Variants in COMP observed in about 807,000 individuals in gnomAD.
COMP encodes cartilage oligomeric matrix protein (pseudoachondroplasia, epiphyseal dysplasia 1, multiple).
COMP carries 79 observed loss-of-function variants against 95.8 expected under a neutral mutation model. The observed-to-expected ratio is 0.82, with a 90% CI of 0.69 to 0.99. The LOEUF is 0.99. Ranked by LOEUF, COMP falls within the 50% of genes least tolerant of loss-of-function variation. COMP has a pLI of 0.00. For synonymous variants in COMP, 438 were observed against 433.9 expected, an observed-to-expected ratio of 1.01 and a Z score of -0.12; for missense variants, 906 against 1,076.1, an observed-to-expected ratio of 0.84 and a Z score of 2.21.
At chr19:18,790,796 C>A (rs751958923) in intron 2 of COMP, 54 bp downstream of exon 2, 1 of 1,565,118 alleles carries the variant, frequency 6.4e-7, no homozygotes, top group African/African-American at 1.4e-5. Context: ...TCGCTGGGAA[C>A]TGAGACCCCC....
chr19:18,783,129 G>A lies in COMP; in HGVS notation c.2152C>T (p.Arg718Trp), dbSNP rs28936368. ...CAGAAGACCCCCAGGCGGCCACCCC[G>A]CATGGTTGTGTCCAAGACCACGTTG... ...DSNVVLDTTM[R>W]GGRLGVFCFS... The change falls in exon 18 of 19, where the codon CGG (arginine) becomes TGG (tryptophan). Residue 718 changes from arginine (R) to tryptophan (W), a missense_variant. Transcript: ENST00000222271. The A allele has an allele frequency of 1.2e-6, 2 of 1,610,894 alleles. No individual in the cohort carries two copies. The highest frequency in any genetic ancestry group is 1.7e-6 in the Non-Finnish European group (2 of 1,179,998).
rs146075881 is a variant in COMP at position 18,782,980 on chromosome 19, C to T, written c.2228-19G>A. 3.4e-4 allele frequency: 543 copies of T among 1,612,418 alleles called. 1 individual carries two copies. In the East Asian group the frequency reaches 9.4e-3, roughly 28 times the overall value. ...ATGGTGTCTGCAGGGAGAGGGCAGG[C>T]GGGTGAGGGCTGAGAAGGCCAGCAG... On this transcript the variant is annotated intron_variant, in intron 18 of 18. Transcript: ENST00000222271.
At position 18,785,662 on chromosome 19, in the gene COMP, C is replaced by T. The variant is rs1041411983; in HGVS notation, c.1668+11G>A. 1 of 1,613,470 alleles carries T rather than the reference C, an allele frequency of 6.2e-7. No individual in the cohort carries two copies. Among genetic ancestry groups the T allele is most frequent in the East Asian group, 2.2e-5 (1 of 44,876 alleles). On this transcript the variant is annotated intron_variant, in intron 14 of 18. Transcript: ENST00000222271. ...GGGTCCCATCACCCCCCACGTGGACCCCGCTCCCACCTGGTTGAGCACCAC... is the reference window on the plus strand; with the variant it reads ...GGGTCCCATCACCCCCCACGTGGACTCCGCTCCCACCTGGTTGAGCACCAC...
rs1401963408 is a variant in COMP at position 18,787,617 on chromosome 19, G to T, written c.1009C>A (p.Arg337Ser). ...CCCCACTTGTCCTCGTCCGTGTTGC[G>T]CTGGTCTGGGTTCCGCACCAGCGGG... ...NCPLVRNPDQ[R>S]NTDEDKWGDA... is the part of the protein sequence containing the mutation. Residue 337 changes from arginine (R) to serine (S), a missense_variant, in exon 10 of 19, where the codon CGC becomes AGC. Arg to Ser is a moderately radical substitution (Grantham distance 110, BLOSUM62 -1). Transcript: ENST00000222271. 6 of 1,613,846 alleles carry T rather than the reference G, an allele frequency of 3.7e-6. No individual in the cohort carries two copies. The African/African-American group carries it at 5.3e-5, about 14-fold the overall frequency.
Position 18,788,275 on chromosome 19 carries a change from G to A in COMP, c.912C>T (p.Asp304=). Residue 304 remains aspartate (D), a synonymous_variant, in exon 9 of 19, where the codon GAC becomes GAT. Transcript: ENST00000222271. This position sits in a 1 kb window ranked among gnomAD's most constrained non-coding sequence, Gnocchi z 4.7. ...TVPNSGQEDV[D]RDGIGDACDP... ...CGCAGGCGTCTCCGATGCCATCGCG[G>A]TCCACATCCTCCTGCCCTGAGTTGG... 1 of 1,613,174 alleles carries A rather than the reference G, an allele frequency of 6.2e-7. No individual in the cohort carries two copies. Among genetic ancestry groups the A allele is most frequent in the Non-Finnish European group, 8.5e-7 (1 of 1,180,018 alleles).
rs1287868131 is a variant in COMP at position 18,787,637 on chromosome 19, A to G, written c.989T>C (p.Leu330Pro). 1 of 1,613,898 alleles carries G rather than the reference A, an allele frequency of 6.2e-7. No individual in the cohort carries two copies. The highest frequency in any genetic ancestry group is 8.5e-7 in the Non-Finnish European group (1 of 1,180,032). Residue 330 changes from leucine (L) to proline (P), a missense_variant, in exon 10 of 19, where the codon CTG becomes CCG. Coordinates refer to ENST00000222271, the MANE Select transcript of COMP (RefSeq NM_000095.3). ...GVPNEKDNCPLVRNPDQRNTD... is the reference protein window; with the variant it reads ...GVPNEKDNCPPVRNPDQRNTD... ...GTTGCGCTGGTCTGGGTTCCGCACC[A>G]GCGGGCAGTTGTCCTGGATGACAGG...
At chr19:18,786,939 A>G (rs1258271829) in intron 10 of COMP, 2 of 367,962 alleles carry the variant, frequency 5.4e-6, no homozygotes, top group Non-Finnish European at 1.0e-5. Context: ...CGCCCAGCAA[A>G]TTTTTGTATT....
Position 18,784,130 on chromosome 19 carries a change from G to A in COMP, c.2087+61C>T, listed in dbSNP as rs1478889611. Reference sequence around the variant, plus strand: ...GTCACACAGCCCCTGCCTGGCCAGGGCACTCCCACCTGGGCCTGTGTGTCC... The same window carrying A: ...GTCACACAGCCCCTGCCTGGCCAGGACACTCCCACCTGGGCCTGTGTGTCC... On this transcript the variant is annotated intron_variant, in intron 17 of 18. Coordinates refer to ENST00000222271, the MANE Select transcript of COMP (RefSeq NM_000095.3). The surrounding 1 kb of genome is among the most constrained non-coding windows in gnomAD (Gnocchi z 4.9). 2.5e-6 allele frequency: 4 copies of A among 1,585,498 alleles called. No individual in the cohort carries two copies. The African/African-American group carries it at 4.0e-5, about 16-fold the overall frequency.
rs751081379 is a variant in COMP, at chr19:18,788,369, C to A, written c.867+41G>T. 1 of 1,606,228 alleles carries A rather than the reference C, an allele frequency of 6.2e-7. No homozygotes were observed. The highest frequency in any genetic ancestry group is 8.5e-7 in the Non-Finnish European group (1 of 1,178,252). ...AGGGGCGCGGTCATGAAGTCCCGCC[C>A]TCCCTCCTGCCCAAGCCCGCCCCGC... On this transcript the variant is annotated intron_variant, in intron 8 of 18. Transcript: ENST00000222271. This position sits in a 1 kb window ranked among gnomAD's most constrained non-coding sequence, Gnocchi z 4.7.
chr19:18,784,246 C>T lies in COMP; in HGVS notation c.2032G>A (p.Asp678Asn), dbSNP rs867986409. ...AGGAACCAACGATAGGACTTCTTGT[C>T]CTTCCAACCCACGTTTCGCGGGTCC... ...WKDPRNVGWK[D>N]KKSYRWFLQH... Residue 678 changes from aspartate (D) to asparagine (N), a missense_variant, in exon 17 of 19, where the codon GAC becomes AAC. Physicochemically the swap from Asp to Asn is conservative, Grantham distance 23. Transcript: ENST00000222271. This position sits in a 1 kb window ranked among gnomAD's most constrained non-coding sequence, Gnocchi z 4.9. 6.8e-6 allele frequency: 11 copies of T among 1,614,100 alleles called. No individual in the cohort carries two copies. The Middle Eastern group carries it at 8.3e-4, about 121-fold the overall frequency.
Position 18,788,209 on chromosome 19 carries a change from T to C in COMP, c.975+3A>G. On this transcript the variant is annotated splice_donor_region_variant and intron_variant, in intron 9 of 18. Transcript: ENST00000222271. This position sits in a 1 kb window ranked among gnomAD's most constrained non-coding sequence, Gnocchi z 4.7. ...GAACCACCGTGCCGAGCCGTAGATC[T>C]ACCTTTTCATTGGGGACCCCGTCCC... The C allele has an allele frequency of 6.2e-7, 1 of 1,612,360 alleles. No individual in the cohort carries two copies. The highest frequency in any genetic ancestry group is 8.5e-7 in the Non-Finnish European group (1 of 1,179,348).
At chr19:18,783,688 C>A (rs1174603196) in intron 17 of COMP, among the ~76,000 whole-genome samples, 1 of 151,626 alleles carries the variant, frequency 6.6e-6, no homozygotes, top group African/African-American at 2.4e-5. Flanking sequence ...CCACTCACTG[C>A]AACTTCCGCT....
At position 18,789,247 on chromosome 19, in the gene COMP, C is replaced by CGGGCT. The variant is rs2145904135; in HGVS notation, c.436_440dup (p.Gly148AlafsTer100). 1 of 1,525,284 alleles carries CGGGCT rather than the reference C, an allele frequency of 6.6e-7. No homozygotes were observed. Among genetic ancestry groups the CGGGCT allele is most frequent in the East Asian group, 2.3e-5 (1 of 43,866 alleles). The allele number at this position is 1,525,284 out of a possible 1,614,324, so 94.5% of individuals were successfully genotyped here. On this transcript the variant is annotated frameshift_variant, in exon 5 of 19. Coordinates refer to ENST00000222271, the MANE Select transcript of COMP (RefSeq NM_000095.3). LOFTEE classifies it high-confidence loss of function. This position sits in a 1 kb window ranked among gnomAD's most constrained non-coding sequence, Gnocchi z 6.1. ...GCGGGCAAGCCTCGCAGCGGAACCCCGGGCTGGTGTTGATACAGCGGACTC... is the reference window on the plus strand; with the variant it reads ...GCGGGCAAGCCTCGCAGCGGAACCCCGGGCTGGGCTGGTGTTGATACAGCGGACTC...
intron 17 of COMP, among the ~76,000 whole-genome samples, chr19:18,783,426 A>G (rs1261410104): frequency 6.6e-6 from 1 of 152,162 alleles, no homozygotes; most frequent in Non-Finnish European, 1.5e-5. Context: ...AGGCTGAGAA[A>G]CAGGGACTGG....
rs763122767 is a variant in COMP at position 18,785,757 on chromosome 19, G to A, written c.1584C>T (p.Leu528=). The A allele has an allele frequency of 2.5e-6, 4 of 1,613,330 alleles. No individual in the cohort carries two copies. Among genetic ancestry groups the A allele is most frequent in the Non-Finnish European group, 3.4e-6 (4 of 1,180,040 alleles). The change falls in exon 14 of 19, where the codon CTC becomes CTT. Residue 528 remains leucine (L), a synonymous_variant. Transcript: ENST00000222271. ...CTGTCTGGAAGGCCCTGAAGTCGGTGAGCGTGACTTCAGCGTTCTCCGGAC... is the reference window on the plus strand; with the variant it reads ...CTGTCTGGAAGGCCCTGAAGTCGGTAAGCGTGACTTCAGCGTTCTCCGGAC... ...DVCPENAEVT[L]TDFRAFQTVV...
Position 18,786,545 on chromosome 19 carries a change from C to T in COMP, c.1241G>A (p.Ser414Asn). 6.2e-7 allele frequency: 1 copy of T among 1,614,034 alleles called. No homozygotes were observed. The highest frequency in any genetic ancestry group is 1.6e-4 in the Middle Eastern group (1 of 6,062). The stretch of plus-strand genomic sequence containing the variant: ...GCCTGCCCTCACCTGATCCGGGTTG[C>T]TCTTCTGGGGACAGTTGTCACAGGC... ...GDACDNCPQKSNPDQADVDHD... is the reference protein window; with the variant it reads ...GDACDNCPQKNNPDQADVDHD... Residue 414 changes from serine to asparagine, a missense_variant, in exon 11 of 19, where the codon AGC becomes AAC. By Grantham distance (46) the Ser-to-Asn change is conservative. Coordinates refer to ENST00000222271, the MANE Select transcript of COMP (RefSeq NM_000095.3).
rs1601055828 is a variant in COMP at position 18,787,577 on chromosome 19, T to C, written c.1049A>G (p.Asn350Ser). 1.2e-6 allele frequency: 2 copies of C among 1,614,076 alleles called. No individual in the cohort carries two copies. The highest frequency in any genetic ancestry group is 1.7e-6 in the Non-Finnish European group (2 of 1,180,034). Residue 350 changes from asparagine (N) to serine (S), a missense_variant, in exon 10 of 19, where the codon AAC becomes AGC. By Grantham distance (46) the Asn-to-Ser change is conservative. Coordinates refer to ENST00000222271, the MANE Select transcript of COMP (RefSeq NM_000095.3). The stretch of plus-strand genomic sequence containing the variant: ...GTCGTCGTTCTTCTGGGACCGGCAG[T>C]TGTCGCACGCATCGCCCCACTTGTC... ...DEDKWGDACDNCRSQKNDDQK... is the reference protein window; with the variant it reads ...DEDKWGDACDSCRSQKNDDQK...
chr19:18,786,766 T>C, intron 10 of COMP, 116 bp from the exon 11 acceptor site: 1 of 65,126 alleles, frequency 1.5e-5, no homozygotes, highest in Non-Finnish European at 3.3e-5. Flanking sequence ...ATGGAAGCTT[T>C]TTTTTTTTTT....
intron 10 of COMP, 113 bp from the exon 11 acceptor site, chr19:18,786,763 C>CTTTTTTTTTTTTTTTTTTTTTTTTTTTTT (rs10577504): frequency 1.4e-5 from 3 of 210,254 alleles, no homozygotes; most frequent in African/African-American, 6.1e-5. Context: ...TTCATGGAAG[C>CTTTTTTTTTTTTTTTTTTTTTTTTTTTTT]TTTTTTTTTT....
Sources: allele counts gnomAD v4.1 joint callset (sites outside exome capture counted in the v4.1 genomes callset), GRCh38; gene constraint gnomAD v4.1.1; non-coding constraint Gnocchi (gnomAD v3.1); transcripts MANE v1.5; gene names NCBI Gene and HGNC (gene_info 2026-07-23, HGNC 2026-07-21).